Variants in FHAD1 observed in about 807,000 individuals in gnomAD.
FHAD1 encodes the protein forkhead associated phosphopeptide binding domain 1.
In FHAD1, 146 loss-of-function variants were observed where a neutral mutation model predicts 191.3. The observed-to-expected ratio is 0.76, with a 90% CI of 0.67 to 0.88. FHAD1 has a LOEUF of 0.88. Among genes scored for constraint, FHAD1 ranks in the 40% least tolerant of loss-of-function variants. FHAD1 has a pLI of 0.00. For synonymous variants in FHAD1, 616 were observed against 672.3 expected (o/e 0.92, Z 1.29); for missense variants, 1,635 against 1,785.8 (o/e 0.92, Z 1.52).
intron 1 of FHAD1, among the ~76,000 whole-genome samples, chr1:15,241,686 A>AC (rs397773994): frequency 2.0e-5 from 3 of 150,156 alleles, no homozygotes; most frequent in South Asian, 2.1e-4. Context: ...AACAAAAAAA[A>AC]CCCAGAACGA....
chr1:15,341,673 G>A, intron 15 of FHAD1, 63 bp from the exon 16 acceptor site: 1 of 1,387,138 alleles, frequency 7.2e-7, no homozygotes. Flanking sequence ...TAAACAAATG[G>A]GGAAAGACTC....
chr1:15,355,907 A>T lies in FHAD1; in HGVS notation c.2563-2203A>T, dbSNP rs376413351. Among the ~76,000 whole-genome samples the T allele has an allele frequency of 9.7e-3, 630 of 65,090 alleles. 7 individuals carry two copies. The highest frequency in any genetic ancestry group is 0.02 in the African/African-American group (580 of 29,604). 42.7% of individuals were successfully genotyped at this position (65,090 alleles called of 152,430 possible). On this transcript the variant is annotated intron_variant, in intron 20 of 33. Transcript: ENST00000688493. ...AAAAAGTGTTTTCTTTCCTGATTAT[A>T]AAAAAAAACCTGTCATTCTAGAAAA... is the stretch of plus-strand genomic sequence containing the variant.
At chr1:15,243,981 C>T (rs562076950), upstream of FHAD1, among the ~76,000 whole-genome samples, 34 of 152,178 alleles carry the variant, frequency 2.2e-4, 1 homozygote, top group South Asian at 3.3e-3. Flanking sequence ...TGGGCTTCGT[C>T]GTCACCAAGA....
intron 2 of FHAD1, among the ~76,000 whole-genome samples, chr1:15,269,021 CCT>C (rs1654781277): frequency 6.6e-6 from 1 of 151,818 alleles, no homozygotes; most frequent in Non-Finnish European, 1.5e-5. Context: ...GCTGTGATGG[CCT>C]CTCTTTCATG....
At chr1:15,388,443 T>A (rs911072857) in intron 32 of FHAD1, 5 of 1,170,142 alleles carry the variant, frequency 4.3e-6, no homozygotes, top group Non-Finnish European at 5.4e-6. Context: ...AGAGGGGATA[T>A]TCCAGCACAG....
chr1:15,271,107 C>T (rs981525034), intron 2 of FHAD1, among the ~76,000 whole-genome samples: 6 of 137,600 alleles, frequency 4.4e-5, no homozygotes, highest in African/African-American at 5.5e-5. Flanking sequence ...CCACTGCACT[C>T]CAGCCTGGGC....
chr1:15,298,777 G>T (rs1667712060), intron 5 of FHAD1, among the ~76,000 whole-genome samples: 1 of 152,152 alleles, frequency 6.6e-6, no homozygotes, highest in Non-Finnish European at 1.5e-5. Context: ...GCTGGAAATA[G>T]GATCCAACCA....
intron 15 of FHAD1, among the ~76,000 whole-genome samples, chr1:15,341,097 A>T (rs1686447151): frequency 6.6e-6 from 1 of 152,298 alleles, no homozygotes; most frequent in South Asian, 2.1e-4. Context: ...CAGGAGAATC[A>T]CTTGAACCCG....
intron 6 of FHAD1, 148 bp downstream of exon 6, chr1:15,301,589 G>C (rs1158396984): frequency 9.0e-6 from 6 of 667,214 alleles, no homozygotes; most frequent in Non-Finnish European, 1.3e-5. Context: ...AAGACTGGGA[G>C]ATTCGGCAGT....
At chr1:15,339,349 C>G in intron 14 of FHAD1, 132 bp from the exon 15 acceptor site, 1 of 382,484 alleles carries the variant, frequency 2.6e-6, no homozygotes, top group East Asian at 7.5e-5. Flanking sequence ...TGCTTATCAA[C>G]TACTTTAAAA....
At position 15,312,576 on chromosome 1, in the gene FHAD1, C is replaced by T. The variant is rs143782643; in HGVS notation, c.1040-481C>T. Among the ~76,000 whole-genome samples, 164 of 152,292 alleles carry T rather than the reference C, an allele frequency of 1.1e-3. No individual in the cohort carries two copies. Among genetic ancestry groups the T allele is most frequent in the African/African-American group, 3.5e-3 (144 of 41,562 alleles). ...ACTTGGGAGGCCAAGGCAGGAGGAT[C>T]GCCTGAGTCCAGGAGGTCGAGGCTG... On this transcript the variant is annotated intron_variant, in intron 7 of 33. Coordinates refer to ENST00000688493, the MANE Select transcript of FHAD1 (RefSeq NM_001391957.1). The surrounding 1 kb of genome is among the most constrained non-coding windows in gnomAD (Gnocchi z 4.7).
chr1:15,324,997 T>C (rs1270390021), intron 11 of FHAD1: 1 of 183,416 alleles, frequency 5.5e-6, no homozygotes, highest in Non-Finnish European at 1.2e-5. Context: ...AACCCTGGAG[T>C]GTCCAAAGTG....
intron 5 of FHAD1, among the ~76,000 whole-genome samples, chr1:15,297,040 C>A (rs1667200947): frequency 6.6e-6 from 1 of 152,234 alleles, no homozygotes; most frequent in African/African-American, 2.4e-5. Context: ...CTCATTTAAT[C>A]TTTGCTGTCT....
At chr1:15,292,009 C>T (rs1422789319) in intron 4 of FHAD1, among the ~76,000 whole-genome samples, 1 of 152,182 alleles carries the variant, frequency 6.6e-6, no homozygotes, top group Non-Finnish European at 1.5e-5. Flanking sequence ...TCTCCAGTAG[C>T]CTTGGTTACA....
rs372312242 is a variant in FHAD1, at chr1:15,344,585, A to G, written c.2131-498A>G. On this transcript the variant is annotated intron_variant, in intron 16 of 33. Coordinates refer to ENST00000688493, the MANE Select transcript of FHAD1 (RefSeq NM_001391957.1). ...AACTTTATTTACAAAAACAGACCAG[A>G]TTTGGTCTGTAAGCCATAGTTTGCT... is the stretch of plus-strand genomic sequence containing the variant. 3.2e-4 allele frequency among the ~76,000 whole-genome samples: 48 copies of G among 152,344 alleles called. No individual in the cohort carries two copies. The South Asian group carries it at 9.9e-3, about 32-fold the overall frequency.
In FHAD1 at chr1:15,366,293, A is replaced by T. The variant is rs1276302497; in HGVS notation, c.3154+360A>T. Among the ~76,000 whole-genome samples the T allele has an allele frequency of 7.3e-5, 11 of 151,022 alleles. 1 individual carries two copies. The highest frequency in any genetic ancestry group is 3.0e-5 in the Non-Finnish European group (2 of 67,720). ...AAGCGAGACTCTGTCTCAAAAAAAA[A>T]AAAAAAAAAAAAAAAAGAGTTGAAA... On this transcript the variant is annotated intron_variant, in intron 24 of 33. Transcript: ENST00000688493.
At position 15,289,484 on chromosome 1, in the gene FHAD1, C is replaced by G. The variant is rs561909148; in HGVS notation, c.386C>G (p.Pro129Arg). ...ACACAGCAGCCAAACCAGGCCCCCC[C>G]ACCATCACATATCCCCTTCCACCAA... ...RATQQPNQAP[P>R]PSHIPFHQGV... Residue 129 changes from proline (P) to arginine (R), a missense_variant, in exon 4 of 34, where the codon CCA (proline) becomes CGA (arginine). Transcript: ENST00000688493. This position sits in a 1 kb window ranked among gnomAD's most constrained non-coding sequence, Gnocchi z 4.2. The G allele has an allele frequency of 3.2e-6, 5 of 1,551,898 alleles. No homozygotes were observed. Among genetic ancestry groups the G allele is most frequent in the Admixed American group, 2.0e-5 (1 of 51,012 alleles).
rs1253149732 is a variant in FHAD1 at position 15,305,990 on chromosome 1, G to C, written c.916-2623G>C. 4.6e-5 allele frequency among the ~76,000 whole-genome samples: 7 copies of C among 152,346 alleles called. No homozygotes were observed. The East Asian group carries it at 1.4e-3, about 29-fold the overall frequency. On this transcript the variant is annotated intron_variant, in intron 6 of 33. Transcript: ENST00000688493. ...TGAGTAACAGGCAGAAGTTGGAACA[G>C]TTTGGAGGGCTCAGAAGAAGAGAGG...
At chr1:15,380,381 C>T (rs1700627712) in intron 28 of FHAD1, among the ~76,000 whole-genome samples, 1 of 152,196 alleles carries the variant, frequency 6.6e-6, no homozygotes. Context: ...TGTGTCCAAA[C>T]ACTGCCAAAT....
Sources: gnomAD v4.1 joint callset for allele counts (sites outside exome capture counted in the v4.1 genomes callset) on GRCh38, gnomAD v4.1.1 for gene constraint, Gnocchi (gnomAD v3.1) non-coding constraint, MANE v1.5 for transcripts, NCBI Gene and HGNC (gene_info 2026-07-23, HGNC 2026-07-21) for gene names.